NCAM2: variants seen among roughly 807,000 people sequenced by gnomAD.
The protein encoded by NCAM2 is neural cell adhesion molecule 2.
Under a neutral mutation model 98.1 loss-of-function variants are expected in NCAM2, and 30 were observed. The observed-to-expected ratio is 0.31, with a 90% confidence interval of 0.23 to 0.41. The LOEUF (loss-of-function observed/expected upper bound fraction) is 0.41, where lower values mean the gene tolerates loss of function less well. Ranked by LOEUF, NCAM2 falls within the 10% of genes least tolerant of loss-of-function variation. The pLI is 1.00. For missense variants in NCAM2, 867 were observed against 1,005.8 expected (o/e 0.86, Z 1.87); for synonymous variants, 368 against 342.4 (o/e 1.07, Z -0.83).
chr21:21,007,629 T>C lies in NCAM2; in HGVS notation c.55+9011T>C, dbSNP rs529304862. On this transcript the variant is annotated intron_variant, in intron 1 of 17. Coordinates refer to ENST00000400546, the MANE Select transcript of NCAM2 (RefSeq NM_004540.5). The stretch of plus-strand genomic sequence containing the variant: ...AAGTTTCCATGACATCTGTAAACTA[T>C]TATGGTGCTGGTGGGAGTGTCTTTT... Among the ~76,000 whole-genome samples, 19 of 152,270 alleles carry C rather than the reference T, an allele frequency of 1.2e-4. No individual in the cohort carries two copies. The East Asian group carries it at 3.7e-3, about 29-fold the overall frequency.
rs560320095 is a variant in NCAM2 at position 21,286,249 on chromosome 21, G to C, written c.338-20G>C. On this transcript the variant is annotated intron_variant, in intron 3 of 17. Transcript: ENST00000400546. ...TTTTGTGATTTGTGATTTGTGATTT[G>C]TTTTACTTTGTTGATACAGAAAAAC... 6.8e-7 allele frequency: 1 copy of C among 1,471,348 alleles called. No homozygotes were observed. Among genetic ancestry groups the C allele is most frequent in the Non-Finnish European group, 9.1e-7 (1 of 1,098,338 alleles). 91.1% of individuals were successfully genotyped at this position (1,471,348 alleles called of 1,614,324 possible).
rs374677689 is a variant in NCAM2, at chr21:21,503,452, G to A, written c.2078-5399G>A. Among the ~76,000 whole-genome samples the A allele has an allele frequency of 1.5e-4, 22 of 151,612 alleles. No individual in the cohort carries two copies. In the East Asian group the frequency reaches 1.6e-3, roughly 11 times the overall value. On this transcript the variant is annotated intron_variant, in intron 15 of 17. Transcript: ENST00000400546. The stretch of plus-strand genomic sequence containing the variant: ...GATAACATAGACATGCTGGATAAAG[G>A]GATGATTTGTGTCCCTGTCACAACA...
chr21:21,096,811 A>G (rs2066134539), intron 1 of NCAM2, among the ~76,000 whole-genome samples: 1 of 151,362 alleles, frequency 6.6e-6, no homozygotes, highest in Admixed American at 6.6e-5. Flanking sequence ...GCAAGTGTTT[A>G]TTTAATGTTT....
intron 1 of NCAM2, among the ~76,000 whole-genome samples, chr21:21,134,088 A>AG (rs2066991882): frequency 7.2e-6 from 1 of 139,218 alleles, no homozygotes; most frequent in Non-Finnish European, 1.5e-5. Context: ...TTTTCCCCTG[A>AG]GATGATGTCT....
At chr21:21,301,013 G>A (rs1486617606) in intron 5 of NCAM2, among the ~76,000 whole-genome samples, 1 of 151,850 alleles carries the variant, frequency 6.6e-6, no homozygotes, top group Admixed American at 6.6e-5. Flanking sequence ...TAATCACCAC[G>A]GATAGTGAAT....
intron 1 of NCAM2, among the ~76,000 whole-genome samples, chr21:21,006,527 CAT>C (rs964433709): frequency 8.5e-5 from 13 of 152,196 alleles, no homozygotes; most frequent in Non-Finnish European, 1.5e-4. Flanking sequence ...AAATGAAAAA[CAT>C]GTGTCGATCC....
intron 5 of NCAM2, among the ~76,000 whole-genome samples, chr21:21,315,445 T>G (rs936955444): frequency 6.6e-6 from 1 of 152,216 alleles, no homozygotes; most frequent in Non-Finnish European, 1.5e-5. Flanking sequence ...TATCTCTCTC[T>G]GCCCCAACTA....
At chr21:21,117,481 G>A (rs1402305758) in intron 1 of NCAM2, among the ~76,000 whole-genome samples, 1 of 151,890 alleles carries the variant, frequency 6.6e-6, no homozygotes, top group Non-Finnish European at 1.5e-5. Flanking sequence ...AAAACAACTT[G>A]TATTGATCAA....
At chr21:21,272,866 A>C (rs1454681594) in intron 1 of NCAM2, among the ~76,000 whole-genome samples, 1 of 149,874 alleles carries the variant, frequency 6.7e-6, no homozygotes, top group Non-Finnish European at 1.5e-5. Flanking sequence ...AATTTTTCAA[A>C]GTAATATGGT....
chr21:21,026,429 C>T (rs1054477406), intron 1 of NCAM2, among the ~76,000 whole-genome samples: 2 of 152,084 alleles, frequency 1.3e-5, no homozygotes, highest in East Asian at 1.9e-4. Flanking sequence ...GAGGCCGAGG[C>T]GGGTGGATCA....
At chr21:21,170,548 G>A (rs1375783384) in intron 1 of NCAM2, among the ~76,000 whole-genome samples, 1 of 152,130 alleles carries the variant, frequency 6.6e-6, no homozygotes, top group Non-Finnish European at 1.5e-5. Context: ...AATGATCAGT[G>A]GTTTCCAGGG....
At chr21:21,400,722 A>G (rs62207433) in intron 9 of NCAM2, among the ~76,000 whole-genome samples, 2,171 of 151,880 alleles carry the variant, frequency 0.014, 42 homozygotes, top group Admixed American at 0.038. Flanking sequence ...AGTAGCAGGG[A>G]TCAAAGGCAC....
Position 21,501,389 on chromosome 21 carries a change from C to A in NCAM2, c.2078-7462C>A, listed in dbSNP as rs528650577. 8.6e-5 allele frequency among the ~76,000 whole-genome samples: 13 copies of A among 152,008 alleles called. No homozygotes were observed. In the South Asian group the frequency reaches 2.5e-3, roughly 29 times the overall value. On this transcript the variant is annotated intron_variant, in intron 15 of 17. Transcript: ENST00000400546. Reference sequence around the variant, plus strand: ...AGTATGCCCTTGTTAATGTAAATATCATATCCATTAGCTCCTTTGTCGTGT... The same window carrying A: ...AGTATGCCCTTGTTAATGTAAATATAATATCCATTAGCTCCTTTGTCGTGT...
At chr21:21,083,817 A>C (rs1251626486) in intron 1 of NCAM2, among the ~76,000 whole-genome samples, 2 of 152,194 alleles carry the variant, frequency 1.3e-5, no homozygotes, top group Non-Finnish European at 2.9e-5. Context: ...AGTTTCTCCC[A>C]ATGACAGCAT....
chr21:21,187,200 G>T (rs552533639), intron 1 of NCAM2, among the ~76,000 whole-genome samples: 24 of 152,072 alleles, frequency 1.6e-4, no homozygotes, highest in Non-Finnish European at 2.9e-4. Flanking sequence ...CTCCAGGCTG[G>T]GCGACAGAGC....
intron 6 of NCAM2, among the ~76,000 whole-genome samples, chr21:21,328,579 T>TAA (rs138944464): frequency 7.0e-6 from 1 of 143,184 alleles, no homozygotes; most frequent in African/African-American, 2.6e-5. Context: ...TATCTTCCTT[T>TAA]AAAAAAAAAA....
At chr21:21,349,021 C>G (rs1233676191) in intron 8 of NCAM2, among the ~76,000 whole-genome samples, 3 of 152,030 alleles carry the variant, frequency 2.0e-5, no homozygotes, top group African/African-American at 7.2e-5. Flanking sequence ...AGGACATTGA[C>G]CTGGGCATAA....
At chr21:21,383,350 C>G (rs1244205710) in intron 9 of NCAM2, among the ~76,000 whole-genome samples, 1 of 152,064 alleles carries the variant, frequency 6.6e-6, no homozygotes, top group Non-Finnish European at 1.5e-5. Flanking sequence ...TTTTGACATA[C>G]CCTTCTCTGA....
chr21:21,534,447 G>A (rs1050538127), intron 16 of NCAM2, 90 bp from the exon 17 acceptor site: 1 of 1,097,252 alleles, frequency 9.1e-7, no homozygotes, highest in South Asian at 2.7e-5. Context: ...TTGGAGGAAG[G>A]TAGAATTGGG....
Sources: gnomAD v4.1 joint callset for allele counts (sites outside exome capture counted in the v4.1 genomes callset) on GRCh38, gnomAD v4.1.1 for gene constraint, MANE v1.5 for transcripts, NCBI Gene and HGNC (gene_info 2026-07-23, HGNC 2026-07-21) for gene names.